The following CR2 variants were observed in gnomAD, a reference collection of about 807,000 sequenced individuals.
CR2 encodes complement receptor type 2.
Under a neutral mutation model 123.0 loss-of-function variants are expected in CR2, and 96 were observed. The observed-to-expected ratio is 0.78, with a 90% CI of 0.66 to 0.93. The LOEUF (loss-of-function observed/expected upper bound fraction) is 0.93. Among genes scored for constraint, CR2 ranks in the 40% least tolerant of loss-of-function variants. The probability of loss-of-function intolerance (pLI) is 0.00; values close to 1 mark genes in which losing one functional copy is unlikely to be tolerated. For missense variants in CR2, 1,258 were observed against 1,361.0 expected (o/e 0.92, Z 1.19); for synonymous variants, 484 against 469.5 (o/e 1.03, Z -0.40).
At position 207,472,976 on chromosome 1, in the gene CR2, T is replaced by A; in HGVS notation, c.1775T>A (p.Leu592Gln). ...ERGTWSGPAP[L>Q]CKLSLLAVQC... The stretch of plus-strand genomic sequence containing the variant: ...GGCACCTGGAGTGGCCCTGCTCCCC[T>A]GTGTAAACTTTCCCTCCTTGCTGTC... The change falls in exon 10 of 20, where the codon CTG becomes CAG. Residue 592 changes from leucine (L) to glutamine (Q), a missense_variant. Coordinates refer to ENST00000367057, the MANE Select transcript of CR2 (RefSeq NM_001006658.3). 1 of 1,614,020 alleles carries A rather than the reference T, an allele frequency of 6.2e-7. No homozygotes were observed. Among genetic ancestry groups the A allele is most frequent in the Non-Finnish European group, 8.5e-7 (1 of 1,179,930 alleles).
At chr1:207,472,431 G>T (rs749751195) in intron 9 of CR2, among the ~76,000 whole-genome samples, 6 of 152,100 alleles carry the variant, frequency 3.9e-5, no homozygotes, top group Non-Finnish European at 8.8e-5. Flanking sequence ...TCAGCACAGA[G>T]TAACCAAGAA....
chr1:207,459,849 T>C (rs116542838), intron 1 of CR2, among the ~76,000 whole-genome samples: 1,966 of 152,324 alleles, frequency 0.013, 39 homozygotes, highest in African/African-American at 0.045. Context: ...TGGCTTTCGT[T>C]ACTAATGAGG....
At chr1:207,473,202 A>G (rs768109260) in intron 10 of CR2, 23 bp downstream of exon 10, 2 of 1,612,038 alleles carry the variant, frequency 1.2e-6, no homozygotes, top group Middle Eastern at 1.7e-4. Flanking sequence ...TAAGGGGGAA[A>G]AAAGGAGAGA....
intron 1 of CR2, among the ~76,000 whole-genome samples, chr1:207,462,615 G>T (rs1657995169): frequency 6.6e-6 from 1 of 152,166 alleles, no homozygotes; most frequent in Non-Finnish European, 1.5e-5. Flanking sequence ...GCCCAAGGGA[G>T]AACAATTAGA....
At chr1:207,455,734 G>T (rs1165762372) in intron 1 of CR2, among the ~76,000 whole-genome samples, 1 of 152,144 alleles carries the variant, frequency 6.6e-6, no homozygotes, top group Non-Finnish European at 1.5e-5. Flanking sequence ...GTACGTCCCT[G>T]ACTTCTCACC....
chr1:207,471,097 G>T lies in CR2; in HGVS notation c.1493+10G>T, dbSNP rs749825341. On this transcript the variant is annotated intron_variant, in intron 8 of 19. Coordinates refer to ENST00000367057, the MANE Select transcript of CR2 (RefSeq NM_001006658.3). ...CTTCTTGTGGTGAAGGGTGAGTGAA[G>T]GCTGACTTAGTCTGACCCAATTCCG... 6.2e-7 allele frequency: 1 copy of T among 1,613,184 alleles called. No individual in the cohort carries two copies. Among genetic ancestry groups the T allele is most frequent in the Non-Finnish European group, 8.5e-7 (1 of 1,179,678 alleles).
intron 10 of CR2, 114 bp from the exon 11 acceptor site, chr1:207,473,431 C>A: frequency 8.1e-7 from 1 of 1,233,298 alleles, no homozygotes; most frequent in Non-Finnish European, 1.2e-6. Flanking sequence ...TGAATTTGAG[C>A]TTCATGATCT....
chr1:207,484,518 T>A (rs1297711199), intron 18 of CR2, among the ~76,000 whole-genome samples: 2 of 152,254 alleles, frequency 1.3e-5, no homozygotes, highest in Non-Finnish European at 1.5e-5. Flanking sequence ...TCTAGTCATC[T>A]AAGATATTGT....
chr1:207,473,457 C>T (rs1658345433), intron 10 of CR2, 88 bp from the exon 11 acceptor site: 1 of 1,391,156 alleles, frequency 7.2e-7, no homozygotes, highest in East Asian at 2.3e-5. Flanking sequence ...ATCAGAGTTT[C>T]AGACTGTCTG....
rs59735642 is a variant in CR2 at position 207,458,059 on chromosome 1, A to AACACACACACACACACACACAC, written c.58+3602_58+3623dup. Among the ~76,000 whole-genome samples, 80 of 122,658 alleles carry AACACACACACACACACACACAC rather than the reference A, an allele frequency of 6.5e-4. 2 individuals carry two copies. The highest frequency in any genetic ancestry group is 4.0e-3 in the Middle Eastern group (1 of 248). The allele number at this position is 122,658 out of a possible 152,430, so 80.5% of individuals were successfully genotyped here. ...ACACAATTCCCTACCTCAAGGCCAC[A>AACACACACACACACACACACAC]ACACACACACACACACACACACACA... is the stretch of plus-strand genomic sequence containing the variant. On this transcript the variant is annotated intron_variant, in intron 1 of 19. Coordinates refer to ENST00000367057, the MANE Select transcript of CR2 (RefSeq NM_001006658.3).
rs755441915 is a variant in CR2, at chr1:207,470,750, C to T, written c.1236C>T (p.Ala412=). Residue 412 remains alanine (A), a synonymous_variant, in exon 7 of 20, where the codon GCC becomes GCT. Transcript: ENST00000367057. ...TGTCCTTTCATTTAGAATGCCAGGC[C>T]CCTCCTAACATCCTCAATGGGCAAA... The part of the protein sequence containing the change: ...SAPVCEKECQ[A]PPNILNGQKE... 6.2e-7 allele frequency: 1 copy of T among 1,613,722 alleles called. No individual in the cohort carries two copies. Among genetic ancestry groups the T allele is most frequent in the Non-Finnish European group, 8.5e-7 (1 of 1,179,790 alleles).
At chr1:207,479,645 G>A (rs1275586676) in intron 17 of CR2, among the ~76,000 whole-genome samples, 1 of 152,118 alleles carries the variant, frequency 6.6e-6, no homozygotes, top group African/African-American at 2.4e-5. Context: ...GGTGTCCTGT[G>A]CACCTAATTT....
chr1:207,468,409 G>A, intron 2 of CR2, 118 bp from the exon 3 acceptor site: 1 of 971,200 alleles, frequency 1.0e-6, no homozygotes, highest in Non-Finnish European at 1.6e-6. Context: ...TGTGGCCCAA[G>A]ACAATTTTTC....
intron 18 of CR2, among the ~76,000 whole-genome samples, chr1:207,480,841 C>T (rs930818358): frequency 6.6e-6 from 1 of 152,046 alleles, no homozygotes; most frequent in East Asian, 1.9e-4. Flanking sequence ...CAAGAATTCA[C>T]ACTACAATTT....
rs1221169358 is a variant in CR2, at chr1:207,473,639, C to T, written c.2073C>T (p.Asp691=). 6.2e-7 allele frequency: 1 copy of T among 1,613,890 alleles called. No individual in the cohort carries two copies. Among genetic ancestry groups the T allele is most frequent in the Non-Finnish European group, 8.5e-7 (1 of 1,179,914 alleles). ...GGATGACTGTAGACTACACTTGTGA[C>T]CCTGGCTATTTGCTTGTGGGAAACA... is the stretch of plus-strand genomic sequence containing the variant. ...VSGMTVDYTC[D]PGYLLVGNKS... Residue 691 remains aspartate (D), a synonymous_variant, in exon 11 of 20, where the codon GAC becomes GAT. Transcript: ENST00000367057.
In CR2 at chr1:207,473,270, C is replaced by A. The variant is rs1658340350; in HGVS notation, c.1978+91C>A. 5 of 1,438,312 alleles carry A rather than the reference C, an allele frequency of 3.5e-6. No individual in the cohort carries two copies. The South Asian group carries it at 3.5e-5, about 10-fold the overall frequency. The allele number at this position is 1,438,312 out of a possible 1,614,324, so 89.1% of individuals were successfully genotyped here. ...CCCAAAACTGCATCATGGAAAGAGG[C>A]AAGAGGGGCACAGATTACTTTCTGT... On this transcript the variant is annotated intron_variant, in intron 10 of 19. Transcript: ENST00000367057.
In CR2 at chr1:207,466,482, C is replaced by T. The variant is rs1658100690; in HGVS notation, c.59-44C>T. ...TTTTACCTACATTTGAATATTTTCT[C>T]ACCATGATCAGTATGCCTACCAAGT... On this transcript the variant is annotated intron_variant, in intron 1 of 19. Transcript: ENST00000367057. 9.3e-6 allele frequency: 15 copies of T among 1,609,104 alleles called. No homozygotes were observed. The East Asian group carries it at 1.3e-4, about 14-fold the overall frequency.
chr1:207,474,869 C>G lies in CR2; in HGVS notation c.2369C>G (p.Thr790Arg). Reference sequence around the variant, plus strand: ...CCAGTGATTGTCAATGGGAAGCACACAGGCATGATGGCAGAAAACTTTCTA... The same window carrying G: ...CCAGTGATTGTCAATGGGAAGCACAGAGGCATGATGGCAGAAAACTTTCTA... ...PPPVIVNGKH[T>R]GMMAENFLYG... Residue 790 changes from threonine (T) to arginine (R), a missense_variant, in exon 14 of 20, where the codon ACA (threonine) becomes AGA (arginine). By Grantham distance (71) the Thr-to-Arg change is moderately conservative. Coordinates refer to ENST00000367057, the MANE Select transcript of CR2 (RefSeq NM_001006658.3). 6.2e-7 allele frequency: 1 copy of G among 1,614,018 alleles called. No homozygotes were observed. The highest frequency in any genetic ancestry group is 8.5e-7 in the Non-Finnish European group (1 of 1,179,940).
rs753028434 is a variant in CR2, at chr1:207,466,918, T to C, written c.445+6T>C. 4.4e-6 allele frequency: 7 copies of C among 1,575,260 alleles called. No homozygotes were observed. Among genetic ancestry groups the C allele is most frequent in the Non-Finnish European group, 6.0e-6 (7 of 1,163,844 alleles). On this transcript the variant is annotated splice_donor_region_variant and intron_variant, in intron 2 of 19. Transcript: ENST00000367057. Reference sequence around the variant, plus strand: ...ACTACCAACCTGTGTAAGTGGTGAGTATGAAAAGAAAGCTGGGTTGGGAGG... The same window carrying C: ...ACTACCAACCTGTGTAAGTGGTGAGCATGAAAAGAAAGCTGGGTTGGGAGG...
Sources: allele counts gnomAD v4.1 joint callset (sites outside exome capture counted in the v4.1 genomes callset), GRCh38; gene constraint gnomAD v4.1.1; transcripts MANE v1.5; gene names NCBI Gene and HGNC (gene_info 2026-07-23, HGNC 2026-07-21).